Variants in RBPMS observed in about 807,000 individuals in gnomAD.
RBPMS encodes the protein RNA-binding protein with multiple splicing.
In RBPMS, 7 loss-of-function variants were observed where a neutral mutation model predicts 26.8. The ratio of observed to expected loss-of-function variants is 0.26; its 90% CI spans 0.15 to 0.49. The LOEUF is 0.49. RBPMS is among the 20% of genes least tolerant of loss of function. The pLI is 0.98. For synonymous variants in RBPMS, 96 were observed against 93.3 expected, an observed-to-expected ratio of 1.03 and a Z score of -0.17; for missense variants, 186 against 250.0, an observed-to-expected ratio of 0.74 and a Z score of 1.73.
At chr8:30,537,224 G>T (rs146417263) in intron 5 of RBPMS, among the ~76,000 whole-genome samples, 2 of 152,164 alleles carry the variant, frequency 1.3e-5, no homozygotes, top group East Asian at 1.9e-4. Context: ...GGATTGCATC[G>T]CATGATTTCT....
At chr8:30,549,795 T>TCTCTCC (rs1298441943) in intron 6 of RBPMS, among the ~76,000 whole-genome samples, 35 of 100,752 alleles carry the variant, frequency 3.5e-4, no homozygotes, top group South Asian at 9.2e-4. Context: ...TCTCTCTCTC[T>TCTCTCC]CCCCTCTCTC....
chr8:30,440,637 C>T (rs909357510), intron 1 of RBPMS, among the ~76,000 whole-genome samples: 3 of 152,098 alleles, frequency 2.0e-5, no homozygotes, highest in African/African-American at 7.2e-5. Flanking sequence ...GGTGTGCAAA[C>T]GTCTTTTTGA....
At chr8:30,421,617 CAT>C (rs1344826637) in intron 1 of RBPMS, among the ~76,000 whole-genome samples, 3 of 152,116 alleles carry the variant, frequency 2.0e-5, no homozygotes, top group African/African-American at 4.8e-5. Flanking sequence ...CATATCCTCA[CAT>C]GTTTTATGGG....
intron 5 of RBPMS, among the ~76,000 whole-genome samples, chr8:30,504,880 T>C (rs2150936491): frequency 6.6e-6 from 1 of 152,316 alleles, no homozygotes; most frequent in African/African-American, 2.4e-5. Flanking sequence ...TTTGGTTCTA[T>C]TCAGTTTAGC....
chr8:30,419,960 C>T lies in RBPMS; in HGVS notation c.66+34802C>T, dbSNP rs771264030. 3.7e-4 allele frequency among the ~76,000 whole-genome samples: 56 copies of T among 152,268 alleles called. 1 individual carries two copies. The highest frequency in any genetic ancestry group is 1.3e-3 in the African/African-American group (54 of 41,558). ...CCTGAATAGGTCTGGTGCAGTGGCT[C>T]ATGTGTGTAATCCCAGCACTTTGAG... On this transcript the variant is annotated intron_variant, in intron 1 of 8. Transcript: ENST00000397323.
At chr8:30,560,268 C>G (rs925152464) in intron 7 of RBPMS, among the ~76,000 whole-genome samples, 4 of 152,172 alleles carry the variant, frequency 2.6e-5, no homozygotes, top group Non-Finnish European at 5.9e-5. Flanking sequence ...GTTTGAAGTT[C>G]TCATCACGCA....
chr8:30,463,991 C>T (rs1462170939), intron 1 of RBPMS, among the ~76,000 whole-genome samples: 1 of 152,110 alleles, frequency 6.6e-6, no homozygotes, highest in Non-Finnish European at 1.5e-5. Flanking sequence ...TCTACAAATA[C>T]AGAAAACAAA....
intron 5 of RBPMS, among the ~76,000 whole-genome samples, chr8:30,511,486 AATATATATATATATAT>A (rs869100800): frequency 0.054 from 1,270 of 23,406 alleles, 39 homozygotes; most frequent in Admixed American, 0.22. Flanking sequence ...AAAAAAAAAA[AATATATATATATATAT>A]ATATATATAT....
chr8:30,392,848 A>G (rs1016752096), intron 1 of RBPMS, among the ~76,000 whole-genome samples: 3 of 152,166 alleles, frequency 2.0e-5, no homozygotes, highest in African/African-American at 7.2e-5. Context: ...TACCTAGGAG[A>G]TGAAGATGTT....
intron 1 of RBPMS, among the ~76,000 whole-genome samples, chr8:30,456,884 G>C (rs947494097): frequency 6.6e-6 from 1 of 152,240 alleles, no homozygotes; most frequent in African/African-American, 2.4e-5. Context: ...TCACGCCACT[G>C]TACTCCAGCC....
intron 3 of RBPMS, among the ~76,000 whole-genome samples, chr8:30,478,636 A>T (rs552444018): frequency 6.6e-6 from 1 of 151,992 alleles, no homozygotes; most frequent in South Asian, 2.1e-4. Flanking sequence ...AATAGCTGGG[A>T]CTACAGGCGC....
intron 1 of RBPMS, among the ~76,000 whole-genome samples, chr8:30,456,549 T>G (rs1815241106): frequency 6.6e-6 from 1 of 152,218 alleles, no homozygotes; most frequent in African/African-American, 2.4e-5. Context: ...TATACAGTCT[T>G]TTAAGATTTC....
intron 1 of RBPMS, among the ~76,000 whole-genome samples, chr8:30,413,310 A>G (rs1003748052): frequency 5.3e-5 from 8 of 152,104 alleles, no homozygotes; most frequent in African/African-American, 1.9e-4. Context: ...GCCTCAAGCA[A>G]TCCTCCCACC....
intron 1 of RBPMS, among the ~76,000 whole-genome samples, chr8:30,434,852 C>T (rs77923714): frequency 0.032 from 4,804 of 151,856 alleles, 247 homozygotes; most frequent in African/African-American, 0.11. Context: ...TAGGGAATTC[C>T]GTTTAATCTG....
chr8:30,564,498 G>C (rs1213820812), intron 7 of RBPMS: 1 of 152,268 alleles, frequency 6.6e-6, no homozygotes, highest in Non-Finnish European at 1.5e-5. Context: ...TCCTGTGGAC[G>C]TGGTGGGTGC....
At chr8:30,507,681 G>A (rs1821207375) in intron 5 of RBPMS, among the ~76,000 whole-genome samples, 1 of 152,174 alleles carries the variant, frequency 6.6e-6, no homozygotes, top group Non-Finnish European at 1.5e-5. Flanking sequence ...GTTAAGAGAT[G>A]AGGAAGAATT....
chr8:30,560,361 T>C (rs997984379), intron 7 of RBPMS, among the ~76,000 whole-genome samples: 1 of 152,040 alleles, frequency 6.6e-6, no homozygotes, highest in African/African-American at 2.4e-5. Context: ...CAGCAGACAG[T>C]AGAGAGATGA....
intron 1 of RBPMS, chr8:30,442,948 C>G (rs1030336476): frequency 6.6e-6 from 1 of 152,218 alleles, no homozygotes; most frequent in Non-Finnish European, 1.5e-5. Flanking sequence ...GTGACTCCTA[C>G]CATTACTTTT....
intron 6 of RBPMS, among the ~76,000 whole-genome samples, chr8:30,551,209 A>G (rs757030814): frequency 2.6e-5 from 4 of 152,052 alleles, no homozygotes; most frequent in East Asian, 1.9e-4. Context: ...TTTGTCCTTC[A>G]CCCTCTTTAG....
Sources: allele counts gnomAD v4.1 joint callset (sites outside exome capture counted in the v4.1 genomes callset), GRCh38; gene constraint gnomAD v4.1.1; transcripts MANE v1.5; gene names NCBI Gene and HGNC (gene_info 2026-07-23, HGNC 2026-07-21).